The following RAD18 variants were observed in gnomAD, a reference collection of about 807,000 sequenced individuals.
RAD18 encodes RAD18 E3 ubiquitin protein ligase, also known as E3 ubiquitin-protein ligase RAD18.
A neutral mutation model predicts 60.4 loss-of-function variants in RAD18; 47 were observed. That is an observed-to-expected ratio of 0.78 (90% CI 0.62 to 0.99). RAD18 has a LOEUF of 0.99. RAD18 is among the 50% of genes least tolerant of loss of function. The probability of loss-of-function intolerance (pLI) is 0.00; values close to 1 mark genes in which losing one functional copy is unlikely to be tolerated. For missense variants in RAD18, 640 were observed against 593.3 expected (o/e 1.08, Z -0.82); for synonymous variants, 225 against 195.5 (o/e 1.15, Z -1.26).
intron 1 of RAD18, 93 bp downstream of exon 1, chr3:8,963,242 A>T: frequency 7.2e-7 from 1 of 1,380,498 alleles, no homozygotes; most frequent in Non-Finnish European, 9.9e-7. Flanking sequence ...CTCGCGCCTC[A>T]TCCTTTCTCC....
At chr3:8,909,211 G>T (rs568560562) in intron 9 of RAD18, among the ~76,000 whole-genome samples, 1 of 152,150 alleles carries the variant, frequency 6.6e-6, no homozygotes, top group Non-Finnish European at 1.5e-5. Flanking sequence ...GAGGAGAAGA[G>T]GCAAGGCTAG....
At position 8,962,881 on chromosome 3, in the gene RAD18, A is replaced by C. The variant is rs549543922; in HGVS notation, c.51+454T>G. Among the ~76,000 whole-genome samples, 7 of 152,320 alleles carry C rather than the reference A, an allele frequency of 4.6e-5. No homozygotes were observed. The South Asian group carries it at 1.4e-3, about 32-fold the overall frequency. On this transcript the variant is annotated intron_variant, in intron 1 of 12. Coordinates refer to ENST00000264926, the MANE Select transcript of RAD18 (RefSeq NM_020165.4). ...CAAACGAGCACTACGTTTATTGAGA[A>C]TAATCAGAAGAAATGAAAGAGCCTG...
chr3:8,913,813 T>C (rs965961724), intron 7 of RAD18, 93 bp from the exon 8 acceptor site: 176 of 741,070 alleles, frequency 2.4e-4, no homozygotes, highest in Non-Finnish European at 3.0e-4. Flanking sequence ...TAGAAGAAGA[T>C]GGGTGATGGG....
intron 9 of RAD18, among the ~76,000 whole-genome samples, chr3:8,903,938 C>G (rs1939959459): frequency 6.6e-6 from 1 of 151,930 alleles, no homozygotes; most frequent in South Asian, 2.1e-4. Context: ...TTCAGTTGAA[C>G]TATGGCATTG....
chr3:8,939,373 G>A (rs1940705984), intron 6 of RAD18, among the ~76,000 whole-genome samples, 181 bp downstream of exon 6: 1 of 152,128 alleles, frequency 6.6e-6, no homozygotes, highest in Admixed American at 6.6e-5. Context: ...TTGGCAAAGT[G>A]GGAGTTGAAG....
chr3:8,885,966 G>A (rs1939555934), intron 12 of RAD18, among the ~76,000 whole-genome samples: 1 of 152,206 alleles, frequency 6.6e-6, no homozygotes, highest in Admixed American at 6.5e-5. Context: ...ATTGAAATCA[G>A]TCTCTTGTCA....
intron 3 of RAD18, 113 bp downstream of exon 3, chr3:8,948,396 G>C: frequency 2.3e-6 from 2 of 858,914 alleles, no homozygotes; most frequent in South Asian, 3.9e-5. Context: ...CTTTCATATA[G>C]CTTAATTCAG....
chr3:8,961,831 C>A (rs964476280), intron 1 of RAD18, among the ~76,000 whole-genome samples: 3 of 152,152 alleles, frequency 2.0e-5, no homozygotes, highest in African/African-American at 7.2e-5. Flanking sequence ...AGACATGGAA[C>A]CCGCCTCTAA....
chr3:8,923,254 C>A (rs1438660912), intron 7 of RAD18, among the ~76,000 whole-genome samples: 1 of 152,170 alleles, frequency 6.6e-6, no homozygotes, highest in Non-Finnish European at 1.5e-5. Flanking sequence ...GGCACAAAAA[C>A]TACGTGACGA....
At chr3:8,946,241 C>T (rs1475615533) in intron 4 of RAD18, among the ~76,000 whole-genome samples, 1 of 152,208 alleles carries the variant, frequency 6.6e-6, no homozygotes, top group East Asian at 1.9e-4. Context: ...CATTGTGTTG[C>T]AACTGCCTAC....
At chr3:8,945,584 G>C (rs1435640015) in intron 4 of RAD18, among the ~76,000 whole-genome samples, 1 of 144,264 alleles carries the variant, frequency 6.9e-6, no homozygotes, top group Non-Finnish European at 1.5e-5. Flanking sequence ...CGATTCTCCT[G>C]CCTCAGCCTC....
At chr3:8,948,714 C>G (rs1402977597) in intron 2 of RAD18, 144 bp from the exon 3 acceptor site, 5 of 612,996 alleles carry the variant, frequency 8.2e-6, no homozygotes, top group South Asian at 7.1e-5. Flanking sequence ...TACCTCTACT[C>G]TATGCACACT....
intron 2 of RAD18, among the ~76,000 whole-genome samples, chr3:8,951,486 A>G (rs1362114516): frequency 6.6e-6 from 1 of 152,234 alleles, no homozygotes; most frequent in African/African-American, 2.4e-5. Flanking sequence ...AGAAATGCTA[A>G]AAGAAATTCT....
In RAD18 at chr3:8,878,585, A is replaced by G. The variant is rs949489766; in HGVS notation, c.*2772T>C. 6.6e-6 allele frequency: 1 copy of G among 152,202 alleles called. No individual in the cohort carries two copies. Among genetic ancestry groups the G allele is most frequent in the African/African-American group, 2.4e-5 (1 of 41,450 alleles). The allele number at this position is 152,202 out of a possible 1,614,324, so 9.4% of individuals were successfully genotyped here. A position where few individuals can be genotyped will look rare whatever the true frequency, so the allele number is the denominator to read the frequency against. On this transcript the variant is annotated 3_prime_UTR_variant, in exon 13 of 13. Coordinates refer to ENST00000264926, the MANE Select transcript of RAD18 (RefSeq NM_020165.4). ...TGTTGTCTATCCCTGTTGACACATC[A>G]GTCTTTACCATGTAATTTTGTTTTT...
chr3:8,936,134 T>C (rs898781488), intron 6 of RAD18, 79 bp from the exon 7 acceptor site: 1 of 1,313,346 alleles, frequency 7.6e-7, no homozygotes, highest in South Asian at 1.6e-5. Context: ...TAAATTCTGA[T>C]TCAACACCTG....
Position 8,879,272 on chromosome 3 carries a change from TAG to T in RAD18, c.*2083_*2084del, listed in dbSNP as rs1274827652. On this transcript the variant is annotated 3_prime_UTR_variant, in exon 13 of 13. Coordinates refer to ENST00000264926, the MANE Select transcript of RAD18 (RefSeq NM_020165.4). ...CGGTATCTCAGAATGTGACAGTATT[TAG>T]AGATAGGGCCCTCTATCTAAAAAAG... is the stretch of plus-strand genomic sequence containing the variant. The T allele has an allele frequency of 6.6e-6, 1 of 152,132 alleles. No homozygotes were observed. Among genetic ancestry groups the T allele is most frequent in the African/African-American group, 2.4e-5 (1 of 41,418 alleles). The allele number at this position is 152,132 out of a possible 1,614,324, so 9.4% of individuals were successfully genotyped here.
At chr3:8,924,120 T>A (rs537135441) in intron 7 of RAD18, among the ~76,000 whole-genome samples, 67 of 152,146 alleles carry the variant, frequency 4.4e-4, no homozygotes, top group Middle Eastern at 3.4e-3. Flanking sequence ...GACTGGCAAA[T>A]TGGATAAAGA....
chr3:8,925,209 T>C (rs1189544632), intron 7 of RAD18, among the ~76,000 whole-genome samples: 1 of 151,608 alleles, frequency 6.6e-6, no homozygotes, highest in Non-Finnish European at 1.5e-5. Flanking sequence ...ATAGACGCAA[T>C]AAAAAATGAT....
In RAD18 at chr3:8,941,512, G is replaced by T. The variant is rs747632564; in HGVS notation, c.559C>A (p.Arg187Ser). The T allele has an allele frequency of 3.1e-6, 5 of 1,613,756 alleles. No homozygotes were observed. The Admixed American group carries it at 5.0e-5, about 16-fold the overall frequency. ...GTGGATGTCGAGGGTGGCTCAGGAC[G>T]CTTAGCCTCTGAGGGATCTGGAGCG... The part of the protein sequence containing the change: ...EIAPDPSEAK[R>S]PEPPSTSTLK... Residue 187 changes from arginine to serine, a missense_variant, in exon 5 of 13, where the codon CGT becomes AGT. Arg to Ser is a moderately radical substitution (Grantham distance 110). Transcript: ENST00000264926.
Sources: gnomAD v4.1 joint callset for allele counts (sites outside exome capture counted in the v4.1 genomes callset) on GRCh38, gnomAD v4.1.1 for gene constraint, MANE v1.5 for transcripts, NCBI Gene and HGNC (gene_info 2026-07-23, HGNC 2026-07-21) for gene names.